The following DOP1B variants were observed in gnomAD, a reference collection of about 807,000 sequenced individuals.
The protein encoded by DOP1B is DOP1 leucine zipper like protein B.
DOP1B carries 174 observed loss-of-function variants against 233.5 expected under a neutral mutation model. The observed-to-expected ratio is 0.75, with a 90% CI of 0.66 to 0.85. The LOEUF (loss-of-function observed/expected upper bound fraction) is 0.85. DOP1B is among the 40% of genes least tolerant of loss of function. The pLI is 0.00. For synonymous variants in DOP1B, 1,190 were observed against 1,185.6 expected, an observed-to-expected ratio of 1.00 and a Z score of -0.08; for missense variants, 2,652 against 2,846.6, an observed-to-expected ratio of 0.93 and a Z score of 1.56.
At chr21:36,240,874 A>C (rs2066885405) in intron 18 of DOP1B, among the ~76,000 whole-genome samples, 1 of 152,224 alleles carries the variant, frequency 6.6e-6, no homozygotes, top group African/African-American at 2.4e-5. Context: ...AAATTTAAAA[A>C]TAATAATAAG....
At chr21:36,260,869 T>C in intron 24 of DOP1B, 137 bp downstream of exon 24, 1 of 1,505,238 alleles carries the variant, frequency 6.6e-7, no homozygotes, top group Non-Finnish European at 8.8e-7. Context: ...GTTGTCATAA[T>C]TTCTTCCCAA....
At chr21:36,250,689 A>G (rs75203697) in intron 21 of DOP1B, among the ~76,000 whole-genome samples, 2,079 of 152,322 alleles carry the variant, frequency 0.014, 41 homozygotes, top group African/African-American at 0.048. Flanking sequence ...AATTAGTTAA[A>G]TGGTGCTTAT....
chr21:36,177,868 G>A (rs1231977546), intron 2 of DOP1B, among the ~76,000 whole-genome samples: 5 of 152,296 alleles, frequency 3.3e-5, no homozygotes, highest in African/African-American at 9.6e-5. Context: ...AAATGACCCA[G>A]TTTCAGGTAT....
chr21:36,278,870 A>G (rs1178612738), intron 30 of DOP1B, among the ~76,000 whole-genome samples: 2 of 151,704 alleles, frequency 1.3e-5, no homozygotes, highest in East Asian at 2.0e-4. Flanking sequence ...ACTCTGTCTC[A>G]AATAAATAAA....
At chr21:36,290,411 A>G (rs2067542387) in intron 35 of DOP1B, among the ~76,000 whole-genome samples, 1 of 152,174 alleles carries the variant, frequency 6.6e-6, no homozygotes, top group Admixed American at 6.6e-5. Context: ...CTGTAATCCC[A>G]GCACTTTGGG....
chr21:36,206,460 G>A (rs1235053243), intron 4 of DOP1B, among the ~76,000 whole-genome samples: 1 of 151,442 alleles, frequency 6.6e-6, no homozygotes, highest in Non-Finnish European at 1.5e-5. Context: ...AGCCCAGGAG[G>A]TCAGGGCTGC....
At chr21:36,228,929 C>G (rs891710031) in intron 13 of DOP1B, among the ~76,000 whole-genome samples, 2 of 152,116 alleles carry the variant, frequency 1.3e-5, no homozygotes, top group East Asian at 3.8e-4. Context: ...CATGATTGCA[C>G]GGCTGCACTC....
intron 2 of DOP1B, among the ~76,000 whole-genome samples, chr21:36,180,662 C>G (rs1318606537): frequency 6.6e-6 from 1 of 152,032 alleles, no homozygotes; most frequent in Admixed American, 6.6e-5. Context: ...GGGGGGATCA[C>G]CTGAGGTCAG....
chr21:36,188,677 GAAAAATGCAACTCCTCGT>G (rs2066194979), intron 2 of DOP1B, among the ~76,000 whole-genome samples: 1 of 152,162 alleles, frequency 6.6e-6, no homozygotes, highest in Admixed American at 6.6e-5. Context: ...GTTTCACCGT[GAAAAATGCAACTCCTCGT>G]TTGCTTGGTG....
intron 32 of DOP1B, 146 bp from the exon 33 acceptor site, chr21:36,287,868 A>G (rs772646615): frequency 4.9e-6 from 5 of 1,014,048 alleles, no homozygotes; most frequent in Non-Finnish European, 5.6e-6. Flanking sequence ...TACAAGTGCG[A>G]GCCACCAAGC....
intron 2 of DOP1B, among the ~76,000 whole-genome samples, chr21:36,182,760 T>C (rs186965407): frequency 6.6e-6 from 1 of 152,254 alleles, no homozygotes; most frequent in Non-Finnish European, 1.5e-5. Context: ...GCCCACAAGG[T>C]TGAGGCCACA....
At chr21:36,226,923 T>G (rs2066690555) in intron 12 of DOP1B, among the ~76,000 whole-genome samples, 1 of 152,078 alleles carries the variant, frequency 6.6e-6, no homozygotes, top group Non-Finnish European at 1.5e-5. Context: ...ATTTGAAAAT[T>G]AATATGGTAT....
intron 10 of DOP1B, among the ~76,000 whole-genome samples, chr21:36,219,922 A>G (rs2066605757): frequency 6.6e-6 from 1 of 151,330 alleles, no homozygotes. Flanking sequence ...TCTTCAGGAC[A>G]GGAGTCCAGG....
At chr21:36,219,065 G>A (rs2066594470) in intron 9 of DOP1B, among the ~76,000 whole-genome samples, 1 of 152,150 alleles carries the variant, frequency 6.6e-6, no homozygotes, top group South Asian at 2.1e-4. Context: ...ATCTCCTTAT[G>A]TGTAATCAGC....
chr21:36,214,025 A>G, intron 7 of DOP1B, 56 bp from the exon 8 acceptor site: 1 of 1,385,916 alleles, frequency 7.2e-7, no homozygotes, highest in South Asian at 1.2e-5. Flanking sequence ...TTTGCACAAT[A>G]TGATGTCCTT....
chr21:36,220,022 A>C (rs1269731946), intron 10 of DOP1B, among the ~76,000 whole-genome samples: 1 of 152,058 alleles, frequency 6.6e-6, no homozygotes, highest in Non-Finnish European at 1.5e-5. Context: ...GGTGTTTGGA[A>C]GACAGCGGGC....
intron 2 of DOP1B, among the ~76,000 whole-genome samples, chr21:36,198,493 C>T (rs190550704): frequency 7.9e-5 from 12 of 152,210 alleles, no homozygotes; most frequent in Admixed American, 1.3e-4. Context: ...AAGTTCTGCC[C>T]ATGGTTACTC....
chr21:36,288,862 G>A (rs767556381), intron 34 of DOP1B, 51 bp downstream of exon 34: 5 of 1,520,032 alleles, frequency 3.3e-6, no homozygotes, highest in Non-Finnish European at 3.6e-6. Context: ...CACGATTAAA[G>A]CACGTCACTT....
rs1274634500 is a variant in DOP1B, at chr21:36,245,211, G to A, written c.3231G>A (p.Lys1077=). ...CCGAAGTGGAGAAGGAGCCCGAGAA[G>A]TACCCGCTGCGAGGCGAGCTGAGCG... is the stretch of plus-strand genomic sequence containing the variant. ...IWAEVEKEPE[K]YPLRGELSEE... The change falls in exon 19 of 37, where the codon AAG becomes AAA. Residue 1077 remains lysine, a synonymous_variant. Coordinates refer to ENST00000691173, the MANE Select transcript of DOP1B (RefSeq NM_001320714.2). The surrounding 1 kb of genome is among the most constrained non-coding windows in gnomAD (Gnocchi z 5.5). 4 of 1,614,108 alleles carry A rather than the reference G, an allele frequency of 2.5e-6. No individual in the cohort carries two copies. Among genetic ancestry groups the A allele is most frequent in the Non-Finnish European group, 1.7e-6 (2 of 1,180,046 alleles).
Sources: gnomAD v4.1 joint callset for allele counts (sites outside exome capture counted in the v4.1 genomes callset) on GRCh38, gnomAD v4.1.1 for gene constraint, Gnocchi (gnomAD v3.1) non-coding constraint, MANE v1.5 for transcripts, NCBI Gene and HGNC (gene_info 2026-07-23, HGNC 2026-07-21) for gene names.